Variants in GRM4 observed in about 807,000 individuals in gnomAD.
The protein encoded by GRM4 is metabotropic glutamate receptor 4.
GRM4 carries 28 observed loss-of-function variants against 81.7 expected under a neutral mutation model. The observed-to-expected ratio is 0.34, with a 90% CI of 0.25 to 0.47. GRM4 has a LOEUF of 0.47. GRM4 is among the 20% of genes least tolerant of loss of function. The pLI is 1.00. For missense variants in GRM4, 948 were observed against 1,290.0 expected (o/e 0.73, Z 4.06); for synonymous variants, 488 against 528.8 (o/e 0.92, Z 1.06).
chr6:34,144,320 G>A (rs1042215441), intron 1 of GRM4, among the ~76,000 whole-genome samples: 17 of 152,106 alleles, frequency 1.1e-4, no homozygotes, highest in Non-Finnish European at 2.9e-5. Flanking sequence ...TGCGAGCGCC[G>A]GGGAAGACCG....
intron 3 of GRM4, among the ~76,000 whole-genome samples, chr6:34,084,051 G>T (rs1767752878): frequency 6.6e-6 from 1 of 152,182 alleles, no homozygotes; most frequent in African/African-American, 2.4e-5. Context: ...GTTTTCAGTG[G>T]GTGTCTGAGG....
chr6:34,022,986 C>T lies in GRM4; in HGVS notation c.2690-116G>A. On this transcript the variant is annotated intron_variant, in intron 10 of 10. Transcript: ENST00000538487. The surrounding 1 kb of genome is among the most constrained non-coding windows in gnomAD (Gnocchi z 5.6). ...TACCATAGCTCCCCGCCTCTCATGGCATCCAGTCCTGAGCTGAGCAATCGA... is the reference window on the plus strand; with the variant it reads ...TACCATAGCTCCCCGCCTCTCATGGTATCCAGTCCTGAGCTGAGCAATCGA... The T allele has an allele frequency of 1.2e-6, 1 of 825,206 alleles. No homozygotes were observed. The highest frequency in any genetic ancestry group is 2.1e-6 in the Non-Finnish European group (1 of 478,704). The allele number at this position is 825,206 out of a possible 1,614,324, so 51.1% of individuals were successfully genotyped here. A position where few individuals can be genotyped will look rare whatever the true frequency, so the allele number is the denominator to read the frequency against.
rs1184836210 is a variant in GRM4, at chr6:34,092,336, C to CCA, written c.520-239_520-238dup. On this transcript the variant is annotated intron_variant, in intron 2 of 10. Transcript: ENST00000538487. The surrounding 1 kb of genome is among the most constrained non-coding windows in gnomAD (Gnocchi z 6.8). ...ACACACAGGCACACACATACATACA[C>CCA]CACACACACATACACCCTGGGAGCC... Among the ~76,000 whole-genome samples, 4 of 152,302 alleles carry CCA rather than the reference C, an allele frequency of 2.6e-5. No individual in the cohort carries two copies. The highest frequency in any genetic ancestry group is 5.9e-5 in the Non-Finnish European group (4 of 68,018).
At chr6:34,095,877 C>T (rs775043487) in intron 2 of GRM4, among the ~76,000 whole-genome samples, 4 of 152,196 alleles carry the variant, frequency 2.6e-5, no homozygotes, top group Non-Finnish European at 5.9e-5. Context: ...CAGGGAGCCA[C>T]GTCTGCGTCT....
In GRM4 at chr6:34,035,040, G is replaced by A. The variant is rs1444063096; in HGVS notation, c.2442+628C>T. Among the ~76,000 whole-genome samples, 1 of 152,196 alleles carries A rather than the reference G, an allele frequency of 6.6e-6. No homozygotes were observed. Among genetic ancestry groups the A allele is most frequent in the Non-Finnish European group, 1.5e-5 (1 of 68,034 alleles). Reference sequence around the variant, plus strand: ...CAGCCCCTAGCCTTTAGGCTTCCAGGGCAGCTTGGGGCTGGGGAGAGAAGG... The same window carrying A: ...CAGCCCCTAGCCTTTAGGCTTCCAGAGCAGCTTGGGGCTGGGGAGAGAAGG... On this transcript the variant is annotated intron_variant, in intron 9 of 10. Coordinates refer to ENST00000538487, the MANE Select transcript of GRM4 (RefSeq NM_000841.4). The surrounding 1 kb of genome is among the most constrained non-coding windows in gnomAD (Gnocchi z 6.6).
intron 3 of GRM4, among the ~76,000 whole-genome samples, chr6:34,077,636 C>G (rs185922468): frequency 2.0e-5 from 3 of 152,114 alleles, no homozygotes; most frequent in Non-Finnish European, 4.4e-5. Flanking sequence ...TCATCCACCC[C>G]CAGCCTCCTC....
At chr6:34,125,194 C>A (rs1012539240) in intron 2 of GRM4, among the ~76,000 whole-genome samples, 5 of 152,128 alleles carry the variant, frequency 3.3e-5, no homozygotes, top group African/African-American at 1.2e-4. Flanking sequence ...AGGATGGTCT[C>A]GATCTCCTGA....
Position 34,041,227 on chromosome 6 carries a change from G to A in GRM4, c.1169-479C>T, listed in dbSNP as rs538126646. On this transcript the variant is annotated intron_variant, in intron 6 of 10. Transcript: ENST00000538487. The stretch of plus-strand genomic sequence containing the variant: ...TAAAGCCACTCACCCATGGGCAGTT[G>A]CTCCAGCCAGAGGATGTTGCCCTCA... Among the ~76,000 whole-genome samples the A allele has an allele frequency of 4.6e-5, 7 of 152,288 alleles. No individual in the cohort carries two copies. The East Asian group carries it at 1.4e-3, about 29-fold the overall frequency.
rs1300053884 is a variant in GRM4 at position 34,152,965 on chromosome 6, C to T, written c.312+2114G>A. Among the ~76,000 whole-genome samples, 3 of 152,034 alleles carry T rather than the reference C, an allele frequency of 2.0e-5. No homozygotes were observed. Among genetic ancestry groups the T allele is most frequent in the Non-Finnish European group, 2.9e-5 (2 of 67,998 alleles). ...GAGCCCTTGCTGCATGCCAGGTGCT[C>T]ATCAGAGTCTCCACAACAGCCCTGT... On this transcript the variant is annotated intron_variant, in intron 1 of 8. Coordinates refer to the GRM4 transcript ENST00000374177. This position sits in a 1 kb window ranked among gnomAD's most constrained non-coding sequence, Gnocchi z 4.1.
chr6:34,104,007 C>T (rs185527839), intron 2 of GRM4, among the ~76,000 whole-genome samples: 5 of 152,326 alleles, frequency 3.3e-5, no homozygotes, highest in South Asian at 2.1e-4. Flanking sequence ...ACCACGGCCC[C>T]GAGGTAGGAA....
chr6:34,081,648 G>A (rs1218544665), intron 3 of GRM4, among the ~76,000 whole-genome samples: 2 of 152,244 alleles, frequency 1.3e-5, no homozygotes, highest in Non-Finnish European at 1.5e-5. Flanking sequence ...GGGTGGGGCT[G>A]AGAGTGGGAC....
At chr6:34,132,856 T>A in intron 2 of GRM4, 122 bp downstream of exon 2, 1 of 737,052 alleles carries the variant, frequency 1.4e-6, no homozygotes, top group East Asian at 2.7e-5. Flanking sequence ...GAAAAAACTG[T>A]CCCTTAGAGT....
intron 3 of GRM4, among the ~76,000 whole-genome samples, chr6:34,072,060 T>TACACACCACACACAGACACAC (rs1299413781): frequency 1.4e-5 from 2 of 140,834 alleles, no homozygotes; most frequent in Admixed American, 7.1e-5. Context: ...CACACACCCA[T>TACACACCACACACAGACACAC]ACATCACCAC....
At chr6:34,028,069 A>G (rs1022384362) in intron 10 of GRM4, 51 bp downstream of exon 10, 1 of 1,559,948 alleles carries the variant, frequency 6.4e-7, no homozygotes, top group Non-Finnish European at 8.7e-7. Context: ...ACCTGCTGCA[A>G]AAGGAGCGGG....
intron 2 of GRM4, among the ~76,000 whole-genome samples, chr6:34,102,419 G>A (rs1768892172): frequency 6.6e-6 from 1 of 152,072 alleles, no homozygotes; most frequent in African/African-American, 2.4e-5. Flanking sequence ...AACTCTCCAG[G>A]CACACTCCGC....
At chr6:34,099,081 G>A (rs1198788332) in intron 2 of GRM4, among the ~76,000 whole-genome samples, 1 of 152,242 alleles carries the variant, frequency 6.6e-6, no homozygotes, top group East Asian at 1.9e-4. Context: ...GGGGAGTCAG[G>A]CTTGTGGCTG....
chr6:34,110,548 C>A, intron 2 of GRM4: 1 of 579,508 alleles, frequency 1.7e-6, no homozygotes, highest in South Asian at 2.2e-5. Flanking sequence ...TCCTCCTTCA[C>A]ACCATCCACA....
intron 2 of GRM4, among the ~76,000 whole-genome samples, chr6:34,116,136 G>A (rs1180402490): frequency 6.6e-6 from 1 of 152,154 alleles, no homozygotes; most frequent in East Asian, 1.9e-4. Flanking sequence ...ATATGAGGCC[G>A]AGTGAAATCA....
chr6:34,044,650 A>G (rs551782243), intron 6 of GRM4, among the ~76,000 whole-genome samples: 7 of 148,812 alleles, frequency 4.7e-5, no homozygotes, highest in African/African-American at 1.5e-4. Flanking sequence ...ACACATATAC[A>G]TACATACACA....
Sources: gnomAD v4.1 joint callset for allele counts (sites outside exome capture counted in the v4.1 genomes callset) on GRCh38, gnomAD v4.1.1 for gene constraint, Gnocchi (gnomAD v3.1) non-coding constraint, MANE v1.5 for transcripts, NCBI Gene and HGNC (gene_info 2026-07-23, HGNC 2026-07-21) for gene names.